The following FAM184A variants were observed in gnomAD, a reference collection of about 807,000 sequenced individuals.
FAM184A encodes family with sequence similarity 184 member A.
A neutral mutation model predicts 143.8 loss-of-function variants in FAM184A; 99 were observed. The observed-to-expected ratio is 0.69, with a 90% confidence interval of 0.58 to 0.81. FAM184A has a LOEUF of 0.81. Ranked by LOEUF, FAM184A falls within the 40% of genes least tolerant of loss-of-function variation. The pLI is 0.00. For missense variants in FAM184A, 1,217 were observed against 1,310.5 expected (o/e 0.93, Z 1.10); for synonymous variants, 427 against 446.4 (o/e 0.96, Z 0.55).
At chr6:118,969,396 TA>T (rs1384195119) in intron 14 of FAM184A, among the ~76,000 whole-genome samples, 2 of 152,114 alleles carry the variant, frequency 1.3e-5, no homozygotes, top group African/African-American at 4.8e-5. Flanking sequence ...AGAAAAAACA[TA>T]ATCCATATAA....
At chr6:119,067,814 A>C (rs1787514888) in intron 1 of FAM184A, among the ~76,000 whole-genome samples, 1 of 152,126 alleles carries the variant, frequency 6.6e-6, no homozygotes, top group East Asian at 1.9e-4. Context: ...ATCCATCAGA[A>C]AAGAAAATAT....
intron 9 of FAM184A, among the ~76,000 whole-genome samples, chr6:118,995,214 C>A (rs919594876): frequency 6.6e-6 from 1 of 152,014 alleles, no homozygotes; most frequent in Non-Finnish European, 1.5e-5. Flanking sequence ...CCCAGGAGTT[C>A]GAGACCAGCC....
At chr6:118,961,355 G>A (rs1783317901) in intron 17 of FAM184A, among the ~76,000 whole-genome samples, 1 of 146,264 alleles carries the variant, frequency 6.8e-6, no homozygotes, top group Admixed American at 6.8e-5. Flanking sequence ...AAATAATCTT[G>A]GTAAACAAGA....
intron 11 of FAM184A, among the ~76,000 whole-genome samples, chr6:118,978,126 G>A (rs1238213611): frequency 1.3e-5 from 2 of 152,066 alleles, no homozygotes; most frequent in Non-Finnish European, 2.9e-5. Flanking sequence ...ACCACGCCTG[G>A]CTAATTCTGT....
intron 1 of FAM184A, among the ~76,000 whole-genome samples, chr6:119,094,827 C>A (rs75972974): frequency 1.3e-3 from 199 of 151,988 alleles, no homozygotes; most frequent in Non-Finnish European, 2.5e-3. Flanking sequence ...TGGGCTCAAG[C>A]CTTCCGAGGA....
chr6:119,129,996 T>C (rs1789490817), intron 1 of FAM184A, among the ~76,000 whole-genome samples: 2 of 152,322 alleles, frequency 1.3e-5, no homozygotes, highest in South Asian at 4.1e-4. Context: ...TGCAAGTTCC[T>C]AGCATCCACA....
chr6:119,005,897 G>A lies in FAM184A; in HGVS notation c.1815+550C>T, dbSNP rs574692647. On this transcript the variant is annotated intron_variant, in intron 7 of 17. Coordinates refer to ENST00000338891, the MANE Select transcript of FAM184A (RefSeq NM_024581.6). Reference sequence around the variant, plus strand: ...AGAGAAGCACTTAGTTGCTGTATATGAGAGTTCTACCTCTTACTAGTAAAA... The same window carrying A: ...AGAGAAGCACTTAGTTGCTGTATATAAGAGTTCTACCTCTTACTAGTAAAA... 5 of 520,908 alleles carry A rather than the reference G, an allele frequency of 9.6e-6. No individual in the cohort carries two copies. In the East Asian group the frequency reaches 1.1e-4, roughly 12 times the overall value. 32.3% of individuals were successfully genotyped at this position (520,908 alleles called of 1,614,324 possible).
chr6:119,085,022 A>G (rs573183464), intron 1 of FAM184A, among the ~76,000 whole-genome samples: 19 of 152,310 alleles, frequency 1.2e-4, no homozygotes, highest in African/African-American at 4.6e-4. Context: ...CTGTGATGGG[A>G]GAGGTTACCT....
chr6:119,011,072 A>T, intron 6 of FAM184A: 1 of 369,754 alleles, frequency 2.7e-6, no homozygotes, highest in Admixed American at 4.4e-5. Context: ...ATGTGGTGAT[A>T]TTCTGTTTTG....
chr6:119,100,537 G>A (rs1788612662), intron 1 of FAM184A, among the ~76,000 whole-genome samples: 1 of 152,098 alleles, frequency 6.6e-6, no homozygotes, highest in South Asian at 2.1e-4. Context: ...CCTCCAGCGT[G>A]GGCCGGAGGG....
chr6:119,082,515 G>A (rs746995728), upstream of FAM184A, among the ~76,000 whole-genome samples: 2 of 152,264 alleles, frequency 1.3e-5, no homozygotes, highest in African/African-American at 2.4e-5. Context: ...TGGGGGTTCA[G>A]GCATTGGGTA....
chr6:119,018,893 TAGAC>T (rs58544318), intron 4 of FAM184A, among the ~76,000 whole-genome samples: 19,540 of 151,946 alleles, frequency 0.13, 1,450 homozygotes, highest in Non-Finnish European at 0.17. Context: ...AGCAACTAGA[TAGAC>T]AGTGGTGCTA....
chr6:118,967,326 T>A (rs1346016159), intron 14 of FAM184A, among the ~76,000 whole-genome samples: 1 of 152,236 alleles, frequency 6.6e-6, no homozygotes, highest in African/African-American at 2.4e-5. Flanking sequence ...AGGCTCACTA[T>A]TACAAGTGCT....
At chr6:118,976,613 G>A (rs548806400) in intron 11 of FAM184A, among the ~76,000 whole-genome samples, 13 of 150,948 alleles carry the variant, frequency 8.6e-5, no homozygotes, top group African/African-American at 2.9e-4. Context: ...GCAATGAGCC[G>A]AGATCACGCC....
chr6:119,082,541 A>G (rs1434879914), upstream of FAM184A, among the ~76,000 whole-genome samples: 1 of 152,210 alleles, frequency 6.6e-6, no homozygotes, highest in Non-Finnish European at 1.5e-5. Flanking sequence ...TCCCATTCCA[A>G]CTGGGAGAAA....
chr6:119,040,061 G>A lies in FAM184A; in HGVS notation c.160-15248C>T, dbSNP rs76329269. Among the ~76,000 whole-genome samples the A allele has an allele frequency of 3.3e-4, 51 of 152,304 alleles. No individual in the cohort carries two copies. In the East Asian group the frequency reaches 7.5e-3, roughly 22 times the overall value. On this transcript the variant is annotated intron_variant, in intron 1 of 17. Transcript: ENST00000338891. ...CTAGCATCAGGTTAAACGGGGACTC[G>A]ACCTTCTCTCTTTAATCTTCATATG...
chr6:118,984,552 A>C (rs1358787476), intron 9 of FAM184A, among the ~76,000 whole-genome samples: 1 of 152,196 alleles, frequency 6.6e-6, no homozygotes, highest in Non-Finnish European at 1.5e-5. Context: ...TCTCAAAACA[A>C]AAAGTGAAAC....
chr6:118,981,566 G>C (rs557053965), intron 9 of FAM184A, among the ~76,000 whole-genome samples: 1 of 152,268 alleles, frequency 6.6e-6, no homozygotes, highest in East Asian at 1.9e-4. Context: ...GGGAAAGAAA[G>C]AGAAAAGGCG....
At chr6:118,969,706 T>C (rs1783614349) in intron 14 of FAM184A, among the ~76,000 whole-genome samples, 1 of 151,706 alleles carries the variant, frequency 6.6e-6, no homozygotes, top group Non-Finnish European at 1.5e-5. Context: ...GTGCAGAACA[T>C]GCAGGTTTGT....
Sources: gnomAD v4.1 joint callset for allele counts (sites outside exome capture counted in the v4.1 genomes callset) on GRCh38, gnomAD v4.1.1 for gene constraint, MANE v1.5 for transcripts, NCBI Gene and HGNC (gene_info 2026-07-23, HGNC 2026-07-21) for gene names.